The following LRMDA variants were observed in gnomAD, a reference collection of about 807,000 sequenced individuals.
The protein encoded by LRMDA is leucine rich melanocyte differentiation associated, also known as leucine-rich melanocyte differentiation-associated protein.
LRMDA carries 18 observed loss-of-function variants against 29.8 expected under a neutral mutation model. That is an observed-to-expected ratio of 0.60 (90% CI 0.42 to 0.90). The LOEUF (loss-of-function observed/expected upper bound fraction) is 0.90. Ranked by LOEUF, LRMDA falls within the 40% of genes least tolerant of loss-of-function variation. The pLI is 0.00. For missense variants in LRMDA, 273 were observed against 273.9 expected, an observed-to-expected ratio of 1.00 and a Z score of 0.02; for synonymous variants, 125 against 109.4, an observed-to-expected ratio of 1.14 and a Z score of -0.89.
intron 6 of LRMDA, among the ~76,000 whole-genome samples, chr10:76,399,868 T>A (rs1050149226): frequency 6.6e-6 from 1 of 152,190 alleles, no homozygotes; most frequent in Non-Finnish European, 1.5e-5. Flanking sequence ...ATTTCCTTCA[T>A]GGCCTGTGTA....
At chr10:76,222,122 G>C (rs1309075339) in intron 5 of LRMDA, among the ~76,000 whole-genome samples, 2 of 151,870 alleles carry the variant, frequency 1.3e-5, no homozygotes, top group Non-Finnish European at 2.9e-5. Context: ...ATTAATTCAA[G>C]ATGGATTAAA....
chr10:75,970,721 G>C (rs1589271705), intron 2 of LRMDA, among the ~76,000 whole-genome samples: 1 of 152,182 alleles, frequency 6.6e-6, no homozygotes, highest in South Asian at 2.1e-4. Flanking sequence ...CCCAGTGTGG[G>C]CTTGGAAGAG....
intron 2 of LRMDA, among the ~76,000 whole-genome samples, chr10:75,528,733 T>C (rs571600226): frequency 3.5e-4 from 53 of 152,200 alleles, no homozygotes; most frequent in African/African-American, 6.7e-4. Context: ...CTAGCATGAA[T>C]GACAGAGATC....
intron 6 of LRMDA, among the ~76,000 whole-genome samples, chr10:76,461,832 T>C (rs1441666575): frequency 1.3e-5 from 2 of 151,992 alleles, no homozygotes; most frequent in Non-Finnish European, 2.9e-5. Flanking sequence ...TCCAGAACTT[T>C]GGGAGGCCGA....
chr10:75,465,845 A>G (rs553712614), intron 2 of LRMDA, among the ~76,000 whole-genome samples: 9 of 152,346 alleles, frequency 5.9e-5, no homozygotes, highest in African/African-American at 1.9e-4. Flanking sequence ...GAGCACAGTT[A>G]AAGTTTTAGC....
At position 76,324,420 on chromosome 10, in the gene LRMDA, C is replaced by T. The variant is rs1298161827; in HGVS notation, c.536C>T (p.Ala179Val). 4 of 1,613,938 alleles carry T rather than the reference C, an allele frequency of 2.5e-6. No individual in the cohort carries two copies. The highest frequency in any genetic ancestry group is 3.4e-6 in the Non-Finnish European group (4 of 1,180,028). The change falls in exon 6 of 7, where the codon GCC becomes GTC. Residue 179 changes from alanine to valine, a missense_variant. Physicochemically the swap from Ala to Val is moderately conservative, Grantham distance 64. Coordinates refer to ENST00000611255, the MANE Select transcript of LRMDA (RefSeq NM_001305581.2). ...ACACAGGCTTCTAGTGAGGACGTTG[C>T]CAGCTCCCCGGAGCGCCACTACACG... is the stretch of plus-strand genomic sequence containing the variant. Reference protein sequence around the residue: ...VKPKASSEDVASSPERHYTPL... With the variant: ...VKPKASSEDVVSSPERHYTPL...
chr10:75,964,674 T>C (rs778719076), intron 2 of LRMDA, among the ~76,000 whole-genome samples: 1 of 152,232 alleles, frequency 6.6e-6, no homozygotes, highest in African/African-American at 2.4e-5. Flanking sequence ...TAAACTCTCA[T>C]GTATAGAGGC....
chr10:75,447,925 G>A (rs1203315310), intron 2 of LRMDA, among the ~76,000 whole-genome samples: 1 of 152,140 alleles, frequency 6.6e-6, no homozygotes, highest in African/African-American at 2.4e-5. Flanking sequence ...CCATAAGGGA[G>A]GGAAGAGCAC....
intron 2 of LRMDA, among the ~76,000 whole-genome samples, chr10:75,516,028 A>G (rs542113715): frequency 1.3e-5 from 2 of 152,342 alleles, no homozygotes; most frequent in East Asian, 3.9e-4. Flanking sequence ...TGCAAAAGAC[A>G]TGAACTCATC....
At chr10:75,628,380 A>G (rs1447915285) in intron 2 of LRMDA, among the ~76,000 whole-genome samples, 1 of 152,234 alleles carries the variant, frequency 6.6e-6, no homozygotes, top group African/African-American at 2.4e-5. Context: ...TGGAAGGTGT[A>G]GAAAAGATAA....
At chr10:76,418,116 T>G (rs796377416) in intron 6 of LRMDA, among the ~76,000 whole-genome samples, 8 of 152,228 alleles carry the variant, frequency 5.3e-5, no homozygotes, top group African/African-American at 1.7e-4. Flanking sequence ...TCTTTGAATC[T>G]CCATACAAGT....
At chr10:75,561,814 G>T (rs1347093052) in intron 2 of LRMDA, among the ~76,000 whole-genome samples, 1 of 152,020 alleles carries the variant, frequency 6.6e-6, no homozygotes, top group African/African-American at 2.4e-5. Flanking sequence ...GGAGCAGGTT[G>T]TTCAGTTTCC....
intron 5 of LRMDA, among the ~76,000 whole-genome samples, chr10:76,162,568 G>A (rs113989321): frequency 0.015 from 2,313 of 152,228 alleles, 73 homozygotes; most frequent in African/African-American, 0.052. Context: ...GGGAGCAGGT[G>A]GATAGTGGGA....
At chr10:75,935,515 A>G (rs1846275094) in intron 2 of LRMDA, among the ~76,000 whole-genome samples, 1 of 152,242 alleles carries the variant, frequency 6.6e-6, no homozygotes, top group Non-Finnish European at 1.5e-5. Flanking sequence ...TGGGAATGAC[A>G]GTTGAAAAAT....
chr10:75,533,144 A>G (rs1845497572), intron 2 of LRMDA, among the ~76,000 whole-genome samples: 1 of 152,246 alleles, frequency 6.6e-6, no homozygotes, highest in South Asian at 2.1e-4. Flanking sequence ...AAGAGAAGTC[A>G]CCTGCAGAGC....
At chr10:75,758,095 C>T (rs116469840) in intron 2 of LRMDA, among the ~76,000 whole-genome samples, 1 of 152,222 alleles carries the variant, frequency 6.6e-6, no homozygotes, top group African/African-American at 2.4e-5. Flanking sequence ...CCACCACGCC[C>T]AGCCAGCAGG....
At chr10:75,724,985 CCTGTG>C (rs1358689486) in intron 2 of LRMDA, among the ~76,000 whole-genome samples, 2 of 152,138 alleles carry the variant, frequency 1.3e-5, no homozygotes, top group Non-Finnish European at 1.5e-5. Flanking sequence ...AAAAGCTACT[CCTGTG>C]CTGTGGAAAT....
At chr10:76,284,330 A>G (rs1840243824) in intron 5 of LRMDA, among the ~76,000 whole-genome samples, 1 of 152,148 alleles carries the variant, frequency 6.6e-6, no homozygotes, top group Non-Finnish European at 1.5e-5. Context: ...GTGATGAAGC[A>G]AGCAGAGATT....
intron 2 of LRMDA, among the ~76,000 whole-genome samples, chr10:76,007,631 T>C (rs1415686468): frequency 6.6e-6 from 1 of 152,128 alleles, no homozygotes; most frequent in African/African-American, 2.4e-5. Context: ...CTCCCCGCCA[T>C]CCCAAACCTA....
Sources: gnomAD v4.1 joint callset for allele counts (sites outside exome capture counted in the v4.1 genomes callset) on GRCh38, gnomAD v4.1.1 for gene constraint, MANE v1.5 for transcripts, NCBI Gene and HGNC (gene_info 2026-07-23, HGNC 2026-07-21) for gene names.